The following SATL1 variants were observed in gnomAD, a reference collection of about 807,000 sequenced individuals.
The protein encoded by SATL1 is spermidine/spermine N(1)-acetyltransferase-like protein 1.
Under a neutral mutation model 51.8 loss-of-function variants are expected in SATL1, and 47 were observed. That is an observed-to-expected ratio of 0.91 (90% CI 0.72 to 1.16). SATL1 has a LOEUF of 1.16. SATL1 is among the 50% of genes most tolerant of loss of function. SATL1 has a pLI of 0.00. For synonymous variants in SATL1, 176 were observed against 182.4 expected (o/e 0.97, Z 0.28); for missense variants, 520 against 526.4 (o/e 0.99, Z 0.12).
chrX:85,158,113 G>T (rs1053782082), intron 2 of SATL1, among the ~76,000 whole-genome samples: 8 of 110,265 alleles, frequency 7.3e-5, no homozygotes, highest in African/African-American at 2.7e-4. Context: ...AGTTTCCACA[G>T]AATTAATGCT....
At chrX:85,132,359 T>A (rs1218036634) in intron 2 of SATL1, among the ~76,000 whole-genome samples, 1 of 111,172 alleles carries the variant, frequency 9.0e-6, no homozygotes, top group Non-Finnish European at 1.9e-5. Context: ...TTTTACTCTT[T>A]TTTTTTCTAA....
intron 2 of SATL1, among the ~76,000 whole-genome samples, chrX:85,154,140 TC>T (rs1462465268): frequency 7.2e-5 from 8 of 111,488 alleles, no homozygotes; most frequent in African/African-American, 2.6e-4. Flanking sequence ...GAAAGTCACT[TC>T]CCCAGACAGA....
intron 2 of SATL1, among the ~76,000 whole-genome samples, chrX:85,202,383 G>A (rs1425737092): frequency 6.3e-5 from 7 of 111,556 alleles, no homozygotes; most frequent in African/African-American, 1.6e-4. Context: ...CTGTCTTTAC[G>A]TCTTTGGTAG....
chrX:85,106,340 G>A (rs1335071964), intron 3 of SATL1, among the ~76,000 whole-genome samples: 1 of 111,411 alleles, frequency 9.0e-6, no homozygotes, highest in Non-Finnish European at 1.9e-5. Flanking sequence ...CTGTAACCAG[G>A]CCTAGAATCA....
intron 2 of SATL1, among the ~76,000 whole-genome samples, chrX:85,153,007 A>T (rs1037668221): frequency 9.0e-6 from 1 of 110,672 alleles, no homozygotes; most frequent in Non-Finnish European, 1.9e-5. Flanking sequence ...TTAAAAAAAA[A>T]TACATCGACA....
chrX:85,210,838 T>C (rs1927905154), intron 2 of SATL1: 1 of 111,796 alleles, frequency 8.9e-6, no homozygotes, highest in South Asian at 3.7e-4. Flanking sequence ...ATAAAGAAGA[T>C]TGCAGAAAAG....
chrX:85,131,550 G>C (rs1240514042), intron 2 of SATL1, among the ~76,000 whole-genome samples: 2 of 110,097 alleles, frequency 1.8e-5, no homozygotes, highest in Non-Finnish European at 3.8e-5. Flanking sequence ...GTCTCTGCAC[G>C]TGAGATGGGT....
intron 2 of SATL1, chrX:85,153,595 C>T (rs1926519164): frequency 8.9e-6 from 1 of 111,818 alleles, no homozygotes; most frequent in Non-Finnish European, 1.9e-5. Context: ...AATGGGACAA[C>T]ATAAAACTCT....
In SATL1 at chrX:85,097,172, G is replaced by A. The variant is rs578188926; in HGVS notation, c.1694-2176C>T. On this transcript the variant is annotated intron_variant, in intron 4 of 7. Transcript: ENST00000644105. ...GAGAAACCCACATATACAGAGGACT[G>A]ACTTTTCATATATGTGAGTTCAGTA... Among the ~76,000 whole-genome samples, 3 of 110,914 alleles carry A rather than the reference G, an allele frequency of 2.7e-5. No homozygotes were observed. The South Asian group carries it at 1.2e-3, about 43-fold the overall frequency.
rs752637679 is a variant in SATL1 at position 85,128,803 on chromosome X, C to T, written c.-312-19523G>A. 4.5e-3 allele frequency among the ~76,000 whole-genome samples: 504 copies of T among 111,776 alleles called. 2 individuals carry two copies. The highest frequency in any genetic ancestry group is 9.1e-3 in the Admixed American group (96 of 10,508). On this transcript the variant is annotated intron_variant, in intron 2 of 7. Coordinates refer to ENST00000644105, the MANE Select transcript of SATL1 (RefSeq NM_001367857.2). ...AGGTCTAACATTTAAGTCCTTAATC[C>T]ATCTCGAATTAATTTTTGTATAAGG...
chrX:85,176,974 A>T (rs1176197482), intron 2 of SATL1, among the ~76,000 whole-genome samples: 1 of 111,698 alleles, frequency 9.0e-6, no homozygotes, highest in Non-Finnish European at 1.9e-5. Flanking sequence ...AGGGCAGGTC[A>T]CTTCTGTGGT....
chrX:85,173,376 C>T (rs1927014556), intron 2 of SATL1, among the ~76,000 whole-genome samples: 2 of 111,175 alleles, frequency 1.8e-5, no homozygotes, highest in African/African-American at 3.3e-5. Context: ...CAGTACTATC[C>T]TTTTTTCTAA....
At chrX:85,096,076 CAT>C (rs1924712791) in intron 4 of SATL1, among the ~76,000 whole-genome samples, 1 of 110,995 alleles carries the variant, frequency 9.0e-6, no homozygotes, top group African/African-American at 3.3e-5. Context: ...TAACAAAAAA[CAT>C]AGCTGATGAA....
At chrX:85,098,990 A>T (rs1036127187) in intron 4 of SATL1, among the ~76,000 whole-genome samples, 1 of 111,492 alleles carries the variant, frequency 9.0e-6, no homozygotes, top group East Asian at 2.8e-4. Context: ...CATGGAGAAA[A>T]TCAATGAAGG....
intron 2 of SATL1, among the ~76,000 whole-genome samples, chrX:85,150,943 A>G (rs1926414275): frequency 9.0e-6 from 1 of 111,350 alleles, no homozygotes; most frequent in South Asian, 3.8e-4. Flanking sequence ...CCTATTCAAC[A>G]CAGTGTTGGA....
intron 2 of SATL1, among the ~76,000 whole-genome samples, chrX:85,165,033 T>C (rs1421978350): frequency 9.0e-6 from 1 of 111,457 alleles, no homozygotes; most frequent in Non-Finnish European, 1.9e-5. Flanking sequence ...CTGATCTTTT[T>C]GTAATAAATT....
chrX:85,095,025 C>T, intron 4 of SATL1, 29 bp from the exon 5 acceptor site: 1 of 867,068 alleles, frequency 1.2e-6, no homozygotes, highest in Non-Finnish European at 1.7e-6. Flanking sequence ...TATAGGATGT[C>T]AGAAAGTTTA....
chrX:85,180,479 A>G (rs1463335958), intron 2 of SATL1, among the ~76,000 whole-genome samples: 3 of 111,612 alleles, frequency 2.7e-5, no homozygotes, highest in African/African-American at 3.3e-5. Flanking sequence ...ACTGTAGGCA[A>G]CCAACACAAT....
At chrX:85,228,272 C>A (rs1928314390) in intron 1 of SATL1, among the ~76,000 whole-genome samples, 1 of 111,233 alleles carries the variant, frequency 9.0e-6, no homozygotes. Flanking sequence ...CAGACTCCTT[C>A]ATTTGTGTAC....
Sources: allele counts gnomAD v4.1 joint callset (sites outside exome capture counted in the v4.1 genomes callset), GRCh38; gene constraint gnomAD v4.1.1; transcripts MANE v1.5; gene names NCBI Gene and HGNC (gene_info 2026-07-23, HGNC 2026-07-21).